The following TSPEAR variants were observed in gnomAD, a reference collection of about 807,000 sequenced individuals.
TSPEAR encodes the protein thrombospondin type laminin G domain and EAR repeats.
A neutral mutation model predicts 71.6 loss-of-function variants in TSPEAR; 69 were observed. The ratio of observed to expected loss-of-function variants is 0.96; its 90% CI spans 0.79 to 1.18. The LOEUF (loss-of-function observed/expected upper bound fraction) is 1.18, where lower values mean the gene tolerates loss of function less well. Among genes scored for constraint, TSPEAR ranks in the 50% most tolerant of loss-of-function variants. The pLI is 0.00. For synonymous variants in TSPEAR, 402 were observed against 387.2 expected, an observed-to-expected ratio of 1.04 and a Z score of -0.45; for missense variants, 971 against 894.9, an observed-to-expected ratio of 1.09 and a Z score of -1.09.
intron 1 of TSPEAR, chr21:44,654,253 G>C: frequency 1.3e-6 from 2 of 1,595,732 alleles, no homozygotes; most frequent in Non-Finnish European, 1.7e-6. Context: ...TCGCACCTAC[G>C]AGGGTCATAG....
intron 2 of TSPEAR, chr21:44,550,639 G>T: frequency 6.3e-7 from 1 of 1,597,442 alleles, no homozygotes; most frequent in East Asian, 2.2e-5. Flanking sequence ...GAGGTCCAAG[G>T]ACTGGCAGGG....
At chr21:44,550,830 C>T (rs782234605) in intron 2 of TSPEAR, 25 of 1,535,134 alleles carry the variant, frequency 1.6e-5, no homozygotes, top group South Asian at 1.1e-4. Flanking sequence ...AGACTGCTGG[C>T]AGCACGGAGA....
chr21:44,515,465 T>C (rs1462738147), intron 9 of TSPEAR: 2 of 152,412 alleles, frequency 1.3e-5, no homozygotes, highest in Admixed American at 1.3e-4. Flanking sequence ...GGTCCTGCTC[T>C]AGCCCCTGCT....
intron 1 of TSPEAR, chr21:44,647,101 C>G (rs369473800): frequency 6.2e-7 from 1 of 1,611,146 alleles, no homozygotes. Context: ...TTCCTCTTCA[C>G]GCTGCCAGCA....
chr21:44,522,194 C>T, intron 8 of TSPEAR, 82 bp from the exon 9 acceptor site: 1 of 1,384,576 alleles, frequency 7.2e-7, no homozygotes, highest in Admixed American at 1.7e-5. Context: ...GAGCCCAGTC[C>T]AAGTCCCTCC....
chr21:44,646,971 G>T (rs1304280899), intron 1 of TSPEAR: 1 of 1,613,420 alleles, frequency 6.2e-7, no homozygotes, highest in Middle Eastern at 1.7e-4. Flanking sequence ...GCTGCCAGCA[G>T]TCTAGCTGCC....
At chr21:44,576,615 A>C (rs1978472609) in intron 1 of TSPEAR, among the ~76,000 whole-genome samples, 1 of 152,194 alleles carries the variant, frequency 6.6e-6, no homozygotes, top group Non-Finnish European at 1.5e-5. Flanking sequence ...ATAACTCCAG[A>C]GAAGGGGACT....
intron 1 of TSPEAR, among the ~76,000 whole-genome samples, chr21:44,654,869 G>T (rs1462640288): frequency 1.3e-5 from 2 of 152,148 alleles, no homozygotes; most frequent in Non-Finnish European, 2.9e-5. Context: ...TGGAAACAGA[G>T]CAGGGGTAGC....
chr21:44,522,169 G>T, intron 8 of TSPEAR, 57 bp from the exon 9 acceptor site: 1 of 1,545,404 alleles, frequency 6.5e-7, no homozygotes, highest in Non-Finnish European at 8.9e-7. Context: ...CCCCATGGCA[G>T]CCCCGACGGA....
At chr21:44,581,484 GT>G (rs1397724208) in intron 1 of TSPEAR, among the ~76,000 whole-genome samples, 1 of 152,104 alleles carries the variant, frequency 6.6e-6, no homozygotes, top group Non-Finnish European at 1.5e-5. Flanking sequence ...AGTGTCCAGC[GT>G]TGCTGATGAG....
At chr21:44,652,970 C>G (rs1438462478) in intron 1 of TSPEAR, among the ~76,000 whole-genome samples, 1 of 151,906 alleles carries the variant, frequency 6.6e-6, no homozygotes, top group Non-Finnish European at 1.5e-5. Context: ...TCCTGGCTAA[C>G]ACGGTGAAAC....
At chr21:44,591,249 G>A (rs1233101270) in intron 1 of TSPEAR, 1 of 1,446,162 alleles carries the variant, frequency 6.9e-7, no homozygotes, top group Non-Finnish European at 9.2e-7. Flanking sequence ...GGGAAGGACA[G>A]GGGGAGCATC....
intron 2 of TSPEAR, among the ~76,000 whole-genome samples, chr21:44,537,512 A>G (rs1161602198): frequency 1.3e-5 from 2 of 152,228 alleles, no homozygotes; most frequent in Non-Finnish European, 2.9e-5. Context: ...AGCAGGCTAT[A>G]CAAACATTTC....
intron 1 of TSPEAR, among the ~76,000 whole-genome samples, chr21:44,703,065 G>GC (rs147306379): frequency 0.022 from 3,345 of 152,116 alleles, 129 homozygotes; most frequent in African/African-American, 0.072. Context: ...GAGGTCCCTG[G>GC]CCCCCCCTGC....
At chr21:44,539,437 A>C (rs200759143) in intron 2 of TSPEAR, 1 of 1,602,736 alleles carries the variant, frequency 6.2e-7, no homozygotes, top group African/African-American at 1.3e-5. Context: ...GCCGGCATAC[A>C]GGGCGGCAGA....
At chr21:44,665,024 G>A (rs142134928) in intron 1 of TSPEAR, among the ~76,000 whole-genome samples, 37 of 152,306 alleles carry the variant, frequency 2.4e-4, no homozygotes, top group African/African-American at 8.4e-4. Context: ...GAGTGCTTAC[G>A]TGTGTGCATA....
chr21:44,626,775 G>T (rs1176727778), intron 1 of TSPEAR, among the ~76,000 whole-genome samples: 1 of 152,102 alleles, frequency 6.6e-6, no homozygotes, highest in Non-Finnish European at 1.5e-5. Flanking sequence ...GGGGCCAGTG[G>T]CTGGACGATG....
chr21:44,545,092 G>A (rs1221519949), intron 2 of TSPEAR, among the ~76,000 whole-genome samples: 1 of 152,060 alleles, frequency 6.6e-6, no homozygotes, highest in Non-Finnish European at 1.5e-5. Flanking sequence ...GGCTGAGGTG[G>A]GAGGATCACA....
At chr21:44,574,575 C>T (rs782435577) in intron 1 of TSPEAR, 1 of 1,309,970 alleles carries the variant, frequency 7.6e-7, no homozygotes, top group Non-Finnish European at 1.0e-6. Flanking sequence ...TTGCTGTGTG[C>T]CTGTCTGCTG....
Sources: gnomAD v4.1 joint callset for allele counts (sites outside exome capture counted in the v4.1 genomes callset) on GRCh38, gnomAD v4.1.1 for gene constraint, MANE v1.5 for transcripts, NCBI Gene and HGNC (gene_info 2026-07-23, HGNC 2026-07-21) for gene names.